KLHL10: variants seen among roughly 807,000 people sequenced by gnomAD.
KLHL10 encodes the protein kelch like family member 10.
KLHL10 carries 11 observed loss-of-function variants against 46.6 expected under a neutral mutation model. That is an observed-to-expected ratio of 0.24 (90% CI 0.15 to 0.39). The LOEUF (loss-of-function observed/expected upper bound fraction) is 0.39, where lower values mean the gene tolerates loss of function less well. Ranked by LOEUF, KLHL10 falls within the 10% of genes least tolerant of loss-of-function variation. KLHL10 has a pLI of 1.00. For missense variants in KLHL10, 475 were observed against 789.8 expected (o/e 0.60, Z 4.78); for synonymous variants, 254 against 279.1 (o/e 0.91, Z 0.90).
Position 41,837,993 on chromosome 17 carries a change from A to T in KLHL10, c.61A>T (p.Met21Leu). 1.2e-6 allele frequency: 2 copies of T among 1,613,698 alleles called. No homozygotes were observed. The highest frequency in any genetic ancestry group is 1.7e-6 in the Non-Finnish European group (2 of 1,179,616). ...RFHQPHMERKMSAMACEIFNE... is the reference protein window; with the variant it reads ...RFHQPHMERKLSAMACEIFNE... Reference sequence around the variant, plus strand: ...CCACCAGCCTCACATGGAGAGGAAGATGAGTGCGATGGCCTGTGAGATCTT... The same window carrying T: ...CCACCAGCCTCACATGGAGAGGAAGTTGAGTGCGATGGCCTGTGAGATCTT... The change falls in exon 1 of 5, where the codon ATG (methionine) becomes TTG (leucine). Residue 21 changes from methionine (M) to leucine (L), a missense_variant. Physicochemically the swap from Met to Leu is conservative, Grantham distance 15 (BLOSUM62 2). Coordinates refer to ENST00000293303, the MANE Select transcript of KLHL10 (RefSeq NM_152467.5).
chr17:41,835,809 C>T (rs1175040574), upstream of KLHL10: 5 of 1,518,038 alleles, frequency 3.3e-6, no homozygotes, highest in East Asian at 7.2e-5. Context: ...GGGCAGGAAG[C>T]CTCTCCAGCC....
chr17:41,847,278 G>T lies in KLHL10; in HGVS notation c.1320G>T (p.Gly440=), dbSNP rs1597941697. 6.2e-7 allele frequency: 1 copy of T among 1,613,926 alleles called. No individual in the cohort carries two copies. Among genetic ancestry groups the T allele is most frequent in the African/African-American group, 1.3e-5 (1 of 74,884 alleles). ...TLYGKVYICG[G]FNGNECLFTA... ...TCACACAGGTCTACATATGTGGTGG[G>T]TTTAATGGAAACGAGTGCCTGTTCA... The change falls in exon 4 of 5, where the codon GGG becomes GGT. Residue 440 remains glycine, a synonymous_variant. Transcript: ENST00000293303.
intron 2 of KLHL10, 61 bp from the exon 3 acceptor site, chr17:41,845,065 G>C (rs1671308355): frequency 3.1e-6 from 5 of 1,606,450 alleles, no homozygotes; most frequent in African/African-American, 1.3e-5. Context: ...TGGGAGTTAA[G>C]GATGTGGGAT....
chr17:41,836,774 C>T (rs2048166366), upstream of KLHL10, among the ~76,000 whole-genome samples: 3 of 151,744 alleles, frequency 2.0e-5, no homozygotes, highest in Admixed American at 2.0e-4. Flanking sequence ...TCCAGTAGGC[C>T]GAGATCATAC....
chr17:41,837,205 G>A (rs907628315), upstream of KLHL10, among the ~76,000 whole-genome samples: 23 of 152,102 alleles, frequency 1.5e-4, no homozygotes, highest in Non-Finnish European at 7.4e-5. Flanking sequence ...TCACTCTGTC[G>A]CCAGGCTGGA....
chr17:41,836,243 C>T (rs892053041), upstream of KLHL10: 2 of 1,233,826 alleles, frequency 1.6e-6, no homozygotes, highest in Admixed American at 4.2e-5. Context: ...AGCCCCGCGA[C>T]CGCACTGCGC....
At chr17:41,836,289 T>TGGGGCCGGGGGCGGGGCGGG (rs2048158712), upstream of KLHL10, 7 of 869,952 alleles carry the variant, frequency 8.0e-6, no homozygotes, top group East Asian at 1.0e-4. Flanking sequence ...GGGCGGGGGT[T>TGGGGCCGGGGGCGGGGCGGG]GGTGGGGCCG....
rs527484396 is a variant in KLHL10 at position 41,847,426 on chromosome 17, A to G, written c.1452+16A>G. The stretch of plus-strand genomic sequence containing the variant: ...TGTATATGCGGTAAGTTTATCTAGT[A>G]CCACACACACACAAAAAACACATTA... On this transcript the variant is annotated intron_variant, in intron 4 of 4. Coordinates refer to ENST00000293303, the MANE Select transcript of KLHL10 (RefSeq NM_152467.5). 5 of 1,613,804 alleles carry G rather than the reference A, an allele frequency of 3.1e-6. No individual in the cohort carries two copies. The highest frequency in any genetic ancestry group is 1.3e-5 in the African/African-American group (1 of 75,002).
chr17:41,838,239 G>C, intron 1 of KLHL10, 113 bp downstream of exon 1: 2 of 933,992 alleles, frequency 2.1e-6, no homozygotes, highest in Non-Finnish European at 3.3e-6. Context: ...CACTGTCAAA[G>C]CTCTGGGCTC....
In KLHL10 at chr17:41,845,704, A is replaced by G; in HGVS notation, c.1263A>G (p.Glu421=). ...NQWTLIAPMH[E]QRSDASATTL... is the part of the protein sequence containing the mutation. ...GGACACTCATCGCCCCCATGCACGA[A>G]CAGAGGAGTGATGCAAGCGCCACAA... Residue 421 remains glutamate (E), a synonymous_variant, in exon 3 of 5, where the codon GAA becomes GAG. Coordinates refer to ENST00000293303, the MANE Select transcript of KLHL10 (RefSeq NM_152467.5). 2 of 1,613,510 alleles carry G rather than the reference A, an allele frequency of 1.2e-6. No homozygotes were observed. The highest frequency in any genetic ancestry group is 1.7e-6 in the Non-Finnish European group (2 of 1,179,646).
At chr17:41,847,860 C>T in intron 4 of KLHL10, 73 bp from the exon 5 acceptor site, 1 of 1,583,524 alleles carries the variant, frequency 6.3e-7, no homozygotes, top group East Asian at 2.2e-5. Context: ...ATCACTGGTA[C>T]CCCCAACAAG....
chr17:41,839,437 T>G (rs1304276681), intron 1 of KLHL10, among the ~76,000 whole-genome samples: 2 of 152,170 alleles, frequency 1.3e-5, no homozygotes, highest in African/African-American at 4.8e-5. Context: ...GACCCCCCTG[T>G]ACCCCTATCC....
At chr17:41,840,762 A>T (rs2048218287) in intron 1 of KLHL10, among the ~76,000 whole-genome samples, 1 of 151,872 alleles carries the variant, frequency 6.6e-6, no homozygotes, top group Non-Finnish European at 1.5e-5. Context: ...AGGTTTGCAG[A>T]CCCCTGCTCT....
At chr17:41,836,765 C>T (rs1171615155), upstream of KLHL10, among the ~76,000 whole-genome samples, 2 of 151,668 alleles carry the variant, frequency 1.3e-5, no homozygotes, top group Admixed American at 6.6e-5. Flanking sequence ...GATCCAGGCT[C>T]CAGTAGGCCG....
upstream of KLHL10, chr17:41,835,933 C>G (rs141466769): frequency 8.4e-5 from 135 of 1,599,756 alleles, 1 homozygote; most frequent in African/African-American, 1.4e-3. Context: ...CGCATCAGGA[C>G]CGTGGCCTTC....
intron 2 of KLHL10, among the ~76,000 whole-genome samples, chr17:41,843,862 C>T (rs1254335693): frequency 1.3e-5 from 2 of 149,516 alleles, no homozygotes; most frequent in African/African-American, 4.9e-5. Flanking sequence ...CCCAGGTTCA[C>T]GCCATTCTCC....
intron 3 of KLHL10, among the ~76,000 whole-genome samples, chr17:41,846,098 C>A (rs577657932): frequency 9.9e-5 from 15 of 151,872 alleles, no homozygotes; most frequent in African/African-American, 3.6e-4. Flanking sequence ...GTAATCCCAC[C>A]TACTCGGGAG....
chr17:41,837,791 A>G (rs1762386626), upstream of KLHL10: 2 of 1,498,380 alleles, frequency 1.3e-6, no homozygotes, highest in South Asian at 2.6e-5. Context: ...CTGCAGGGCC[A>G]GGATTCTGGA....
Position 41,847,630 on chromosome 17 carries a change from C to G in KLHL10, c.1452+220C>G, listed in dbSNP as rs1251461456. 2.0e-5 allele frequency among the ~76,000 whole-genome samples: 3 copies of G among 152,128 alleles called. No homozygotes were observed. The East Asian group carries it at 5.8e-4, about 29-fold the overall frequency. On this transcript the variant is annotated intron_variant, in intron 4 of 4. Coordinates refer to ENST00000293303, the MANE Select transcript of KLHL10 (RefSeq NM_152467.5). ...ATGCCATTCTCCTGCCTCAGCCTCC[C>G]GAGCAGCTGGGACTACCGGCACCCG...
Sources: gnomAD v4.1 joint callset for allele counts (sites outside exome capture counted in the v4.1 genomes callset) on GRCh38, gnomAD v4.1.1 for gene constraint, MANE v1.5 for transcripts, NCBI Gene and HGNC (gene_info 2026-07-23, HGNC 2026-07-21) for gene names.